Variants in PTPRN2 observed in about 807,000 individuals in gnomAD.
The protein encoded by PTPRN2 is receptor-type tyrosine-protein phosphatase N2.
Under a neutral mutation model 118.8 loss-of-function variants are expected in PTPRN2, and 74 were observed. That is an observed-to-expected ratio of 0.62 (90% CI 0.52 to 0.76). PTPRN2 has a LOEUF of 0.76. Among genes scored for constraint, PTPRN2 ranks in the 30% least tolerant of loss-of-function variants. The pLI is 0.00. For synonymous variants in PTPRN2, 641 were observed against 608.0 expected, an observed-to-expected ratio of 1.05 and a Z score of -0.80; for missense variants, 1,481 against 1,394.4, an observed-to-expected ratio of 1.06 and a Z score of -0.99.
intron 12 of PTPRN2, among the ~76,000 whole-genome samples, chr7:157,684,117 T>C (rs183155501): frequency 1.1e-3 from 160 of 152,172 alleles, no homozygotes; most frequent in Admixed American, 2.2e-3. Flanking sequence ...TTTTATCTTG[T>C]AATCATAAAG....
chr7:157,932,824 G>C (rs896156002), intron 11 of PTPRN2, among the ~76,000 whole-genome samples: 1 of 150,220 alleles, frequency 6.7e-6, no homozygotes, highest in Non-Finnish European at 1.5e-5. Context: ...GACTCACTTT[G>C]ACTGACATTT....
Position 157,785,859 on chromosome 7 carries a change from T to A in PTPRN2, c.1789-102922A>T, listed in dbSNP as rs1336762270. On this transcript the variant is annotated intron_variant, in intron 12 of 22. Coordinates refer to ENST00000389418, the MANE Select transcript of PTPRN2 (RefSeq NM_002847.5). The surrounding 1 kb of genome is among the most constrained non-coding windows in gnomAD (Gnocchi z 7.3). ...TTCCCTTCTGCACAACAGCGGAGGTTTTCCTGGAGTTCATAATCACTGGTT... is the reference window on the plus strand; with the variant it reads ...TTCCCTTCTGCACAACAGCGGAGGTATTCCTGGAGTTCATAATCACTGGTT... 6.6e-6 allele frequency among the ~76,000 whole-genome samples: 1 copy of A among 152,104 alleles called. No homozygotes were observed. Among genetic ancestry groups the A allele is most frequent in the Non-Finnish European group, 1.5e-5 (1 of 68,010 alleles).
At chr7:157,757,671 A>G (rs1801874781) in intron 12 of PTPRN2, among the ~76,000 whole-genome samples, 1 of 145,302 alleles carries the variant, frequency 6.9e-6, no homozygotes. Context: ...CACAAGATAC[A>G]AGTTTTTTTT....
At chr7:158,511,221 G>A (rs571587809) in intron 1 of PTPRN2, among the ~76,000 whole-genome samples, 8 of 151,766 alleles carry the variant, frequency 5.3e-5, no homozygotes, top group South Asian at 2.1e-4. Context: ...TCAAAATGTC[G>A]AGAGGCAGCT....
chr7:158,322,396 C>CA (rs1322164527), intron 2 of PTPRN2, among the ~76,000 whole-genome samples: 3 of 151,780 alleles, frequency 2.0e-5, no homozygotes, highest in Non-Finnish European at 4.4e-5. Context: ...ACCCAGCGGT[C>CA]AGAGAACGAA....
intron 11 of PTPRN2, among the ~76,000 whole-genome samples, chr7:158,026,446 G>A (rs1358484813): frequency 6.6e-6 from 1 of 152,220 alleles, no homozygotes; most frequent in African/African-American, 2.4e-5. Flanking sequence ...CAGCCGGACA[G>A]CATGGCGTGG....
intron 13 of PTPRN2, among the ~76,000 whole-genome samples, chr7:157,672,111 AG>A (rs974785443): frequency 6.6e-6 from 1 of 152,048 alleles, no homozygotes; most frequent in African/African-American, 2.4e-5. Context: ...GTGGGGTGTC[AG>A]CTCTGCCGCC....
intron 11 of PTPRN2, among the ~76,000 whole-genome samples, chr7:157,988,603 A>G (rs1454969777): frequency 6.6e-6 from 1 of 152,200 alleles, no homozygotes; most frequent in African/African-American, 2.4e-5. Context: ...GACGGGTGCA[A>G]ACCCTTTGGA....
intron 12 of PTPRN2, among the ~76,000 whole-genome samples, chr7:157,843,169 C>T (rs1339637221): frequency 6.6e-6 from 1 of 152,174 alleles, no homozygotes; most frequent in African/African-American, 2.4e-5. Flanking sequence ...ATAATGTAGC[C>T]TTCAAATGTG....
At chr7:158,340,221 G>T (rs62481706) in intron 2 of PTPRN2, among the ~76,000 whole-genome samples, 2 of 56,762 alleles carry the variant, frequency 3.5e-5, no homozygotes, top group East Asian at 5.9e-4. Context: ...AGCTGATGCC[G>T]GCACACGTCA....
At chr7:158,453,145 G>A (rs1415442553) in intron 2 of PTPRN2, among the ~76,000 whole-genome samples, 1 of 116,764 alleles carries the variant, frequency 8.6e-6, no homozygotes, top group African/African-American at 3.2e-5. Flanking sequence ...CTGGACATAG[G>A]GGAATTGAAA....
intron 2 of PTPRN2, among the ~76,000 whole-genome samples, chr7:158,393,185 C>T (rs1812073637): frequency 6.6e-6 from 1 of 152,194 alleles, no homozygotes; most frequent in African/African-American, 2.4e-5. Flanking sequence ...GGTCACAGCG[C>T]CTCCAACGCA....
intron 11 of PTPRN2, among the ~76,000 whole-genome samples, chr7:157,945,692 GAC>G (rs1800439240): frequency 6.6e-6 from 1 of 150,896 alleles, no homozygotes; most frequent in Admixed American, 6.6e-5. Context: ...CTCCAGCTTG[GAC>G]GATGTCACCT....
intron 1 of PTPRN2, among the ~76,000 whole-genome samples, chr7:158,522,185 G>A (rs75500126): frequency 0.14 from 976 of 7,068 alleles, 78 homozygotes; most frequent in Non-Finnish European, 0.17. Flanking sequence ...GTACTGGCTC[G>A]GGAGGGAGGT....
intron 2 of PTPRN2, among the ~76,000 whole-genome samples, chr7:158,421,285 G>T (rs188709677): frequency 6.6e-6 from 1 of 152,312 alleles, no homozygotes; most frequent in African/African-American, 2.4e-5. Flanking sequence ...GTGGATATTA[G>T]TGACACCCAC....
At chr7:157,692,285 C>T (rs1008210905) in intron 12 of PTPRN2, among the ~76,000 whole-genome samples, 3 of 152,148 alleles carry the variant, frequency 2.0e-5, no homozygotes, top group African/African-American at 7.2e-5. Context: ...CCAACTCCTC[C>T]ACACCCCCCA....
intron 13 of PTPRN2, among the ~76,000 whole-genome samples, chr7:157,672,436 A>G (rs1796462908): frequency 1.4e-5 from 2 of 146,562 alleles, no homozygotes; most frequent in South Asian, 2.2e-4. Context: ...TTTCCATCCA[A>G]TTTAGTATTT....
intron 13 of PTPRN2, among the ~76,000 whole-genome samples, chr7:157,681,840 T>C (rs1483143741): frequency 6.6e-6 from 1 of 152,230 alleles, no homozygotes; most frequent in Non-Finnish European, 1.5e-5. Context: ...ACTGTAATCA[T>C]GTGACTAGAG....
chr7:158,462,069 T>TCCTCCCGCGTGGC (rs57607417), intron 2 of PTPRN2, among the ~76,000 whole-genome samples: 1,543 of 96,724 alleles, frequency 0.016, 91 homozygotes, highest in African/African-American at 0.046. Context: ...CCCCTGTGCT[T>TCCTCCCGCGTGGC]CCGCCCACGC....
Sources: gnomAD v4.1 joint callset for allele counts (sites outside exome capture counted in the v4.1 genomes callset) on GRCh38, gnomAD v4.1.1 for gene constraint, Gnocchi (gnomAD v3.1) non-coding constraint, MANE v1.5 for transcripts, NCBI Gene and HGNC (gene_info 2026-07-23, HGNC 2026-07-21) for gene names.